Variants in IL1RAP observed in about 807,000 individuals in gnomAD.
IL1RAP encodes interleukin 1 receptor accessory protein.
A neutral mutation model predicts 60.7 loss-of-function variants in IL1RAP; 35 were observed. The ratio of observed to expected loss-of-function variants is 0.58; its 90% CI spans 0.44 to 0.76. IL1RAP has a LOEUF of 0.76. Among genes scored for constraint, IL1RAP ranks in the 30% least tolerant of loss-of-function variants. The pLI is 0.00. For missense variants in IL1RAP, 572 were observed against 693.9 expected, an observed-to-expected ratio of 0.82 and a Z score of 1.97; for synonymous variants, 268 against 250.9, an observed-to-expected ratio of 1.07 and a Z score of -0.64.
intron 3 of IL1RAP, among the ~76,000 whole-genome samples, chr3:190,568,934 GA>G (rs1354642391): frequency 6.6e-6 from 1 of 152,224 alleles, no homozygotes; most frequent in Non-Finnish European, 1.5e-5. Context: ...TAAAGTTTGA[GA>G]GAAGGAAGAG....
rs757538570 is a variant in IL1RAP, at chr3:190,609,097, A to G, written c.453A>G (p.Ile151Met). 2 of 1,613,194 alleles carry G rather than the reference A, an allele frequency of 1.2e-6. No homozygotes were observed. The highest frequency in any genetic ancestry group is 4.5e-5 in the East Asian group (2 of 44,822). ...PMKLPVHKLY[I>M]EYGIQRITCP... ...AACTCCCAGTGCATAAACTGTATAT[A>G]GAATATGGCATTCAGAGGATCACTT... Residue 151 changes from isoleucine to methionine, a missense_variant, in exon 5 of 12, where the codon ATA becomes ATG. Transcript: ENST00000447382.
chr3:190,577,685 C>T (rs1002929233), intron 3 of IL1RAP, among the ~76,000 whole-genome samples: 1 of 152,070 alleles, frequency 6.6e-6, no homozygotes, highest in Non-Finnish European at 1.5e-5. Context: ...GGCATGCCAC[C>T]AGGCTCAGCT....
rs1734372068 is a variant in IL1RAP, at chr3:190,651,156, A to G, written c.*2451A>G. On this transcript the variant is annotated 3_prime_UTR_variant, in exon 12 of 12. Coordinates refer to ENST00000447382, the MANE Select transcript of IL1RAP (RefSeq NM_002182.4). ...ATAATTTAGAGAACAAGAACAAACC[A>G]TGTCTCAAATTTTTTTAAAAAAAAT... 10 of 982,442 alleles carry G rather than the reference A, an allele frequency of 1.0e-5. No individual in the cohort carries two copies. Among genetic ancestry groups the G allele is most frequent in the Admixed American group, 6.2e-5 (1 of 16,240 alleles). The allele number at this position is 982,442 out of a possible 1,614,324, so 60.9% of individuals were successfully genotyped here. A position where few individuals can be genotyped will look rare whatever the true frequency, so the allele number is the denominator to read the frequency against.
At chr3:190,538,250 G>T (rs1183305508) in intron 1 of IL1RAP, among the ~76,000 whole-genome samples, 1 of 152,140 alleles carries the variant, frequency 6.6e-6, no homozygotes, top group Non-Finnish European at 1.5e-5. Flanking sequence ...GCAGCCTCTG[G>T]GGGTTGACTA....
intron 5 of IL1RAP, among the ~76,000 whole-genome samples, chr3:190,609,842 ATCAGTG>A (rs1235900146): frequency 6.6e-6 from 1 of 152,156 alleles, no homozygotes; most frequent in Non-Finnish European, 1.5e-5. Context: ...CCCATATGGG[ATCAGTG>A]TTTGTGGGGA....
chr3:190,540,300 C>T (rs1299508643), intron 1 of IL1RAP, among the ~76,000 whole-genome samples: 1 of 152,014 alleles, frequency 6.6e-6, no homozygotes, highest in East Asian at 1.9e-4. Context: ...ATTACCTTTC[C>T]CTCCCTTTGT....
chr3:190,631,427 G>A (rs1261228913), intron 9 of IL1RAP, among the ~76,000 whole-genome samples: 2 of 152,168 alleles, frequency 1.3e-5, no homozygotes, highest in Admixed American at 1.3e-4. Flanking sequence ...AGTGACAGGT[G>A]GATCCTCTAG....
At position 190,650,212 on chromosome 3, in the gene IL1RAP, ATTAT is replaced by A. The variant is rs1734314156; in HGVS notation, c.*1510_*1513del. On this transcript the variant is annotated 3_prime_UTR_variant, in exon 12 of 12. Transcript: ENST00000447382. ...TTTTGTGTCAGTGTTTTCTGTACAT[ATTAT>A]TTGTTAATTCACAGCTCACAGAGTG... 1.0e-6 allele frequency: 1 copy of A among 984,400 alleles called. No individual in the cohort carries two copies. Among genetic ancestry groups the A allele is most frequent in the Admixed American group, 6.1e-5 (1 of 16,266 alleles). 61.0% of individuals were successfully genotyped at this position (984,400 alleles called of 1,614,324 possible).
chr3:190,582,365 G>T (rs1183617296), intron 3 of IL1RAP, among the ~76,000 whole-genome samples: 1 of 150,118 alleles, frequency 6.7e-6, no homozygotes, highest in Non-Finnish European at 1.5e-5. Flanking sequence ...TTTTGCCCAG[G>T]CTGGAGTTCA....
At chr3:190,653,456 G>A (rs1734491970), downstream of IL1RAP, among the ~76,000 whole-genome samples, 2 of 151,992 alleles carry the variant, frequency 1.3e-5, no homozygotes, top group South Asian at 2.1e-4. Flanking sequence ...AACCACATTC[G>A]TCTTCCAAGT....
rs1399185076 is a variant in IL1RAP at position 190,627,439 on chromosome 3, A to G, written c.892A>G (p.Ile298Val). 14 of 1,611,290 alleles carry G rather than the reference A, an allele frequency of 8.7e-6. No individual in the cohort carries two copies. The highest frequency in any genetic ancestry group is 1.3e-5 in the African/African-American group (1 of 74,708). The change falls in exon 8 of 12, where the codon ATT becomes GTT. Residue 298 changes from isoleucine to valine, a missense_variant. By Grantham distance (29) the Ile-to-Val change is conservative. Transcript: ENST00000447382. ...TGATGACATCACTATTGATGTCACC[A>G]TTAACGAAAGGTATCATGGGGGCCA... ...KPDDITIDVT[I>V]NESISHSRTE... is the part of the protein sequence containing the mutation.
At chr3:190,621,472 C>A (rs1731774597) in intron 6 of IL1RAP, among the ~76,000 whole-genome samples, 1 of 152,104 alleles carries the variant, frequency 6.6e-6, no homozygotes, top group South Asian at 2.1e-4. Flanking sequence ...AATAATGTAA[C>A]CTTATATTCA....
At chr3:190,562,694 CCACACACACACA>C (rs56393536) in intron 2 of IL1RAP, among the ~76,000 whole-genome samples, 51,919 of 146,464 alleles carry the variant, frequency 0.35, 10,420 homozygotes, top group South Asian at 0.52. Context: ...CATATCTCGT[CCACACACACACA>C]CACACACACA....
Position 190,531,637 on chromosome 3 carries a change from G to C in IL1RAP, c.-89+17418G>C, listed in dbSNP as rs77937740. 4.0e-3 allele frequency among the ~76,000 whole-genome samples: 607 copies of C among 152,256 alleles called. 1 individual carries two copies. The highest frequency in any genetic ancestry group is 0.014 in the African/African-American group (586 of 41,534). ...AAGACACAGCTGAACTTACTCACTT[G>C]TCTTGACTTATGTAAAACACACACT... On this transcript the variant is annotated intron_variant, in intron 1 of 11. Transcript: ENST00000447382.
intron 5 of IL1RAP, among the ~76,000 whole-genome samples, chr3:190,614,928 C>T (rs1389494039): frequency 6.6e-6 from 1 of 151,964 alleles, no homozygotes; most frequent in Non-Finnish European, 1.5e-5. Flanking sequence ...GGATAGAGGG[C>T]CCTGAGAAAT....
intron 3 of IL1RAP, among the ~76,000 whole-genome samples, chr3:190,568,783 A>G (rs945345117): frequency 6.6e-5 from 10 of 152,188 alleles, no homozygotes; most frequent in African/African-American, 2.4e-4. Flanking sequence ...CACAGGGTAT[A>G]CTCCTATTAG....
intron 1 of IL1RAP, among the ~76,000 whole-genome samples, chr3:190,535,429 C>T (rs533882395): frequency 6.6e-6 from 1 of 152,284 alleles, no homozygotes; most frequent in Admixed American, 6.5e-5. Flanking sequence ...TCCCTATTAT[C>T]CACGTGTTAA....
intron 6 of IL1RAP, among the ~76,000 whole-genome samples, chr3:190,622,290 AT>A (rs112436193): frequency 0.01 from 1,595 of 152,150 alleles, 36 homozygotes; most frequent in African/African-American, 0.037. Context: ...AGCAAAAACT[AT>A]TTTTTTCTAT....
intron 3 of IL1RAP, among the ~76,000 whole-genome samples, chr3:190,584,769 T>C (rs1728303301): frequency 6.6e-6 from 1 of 152,230 alleles, no homozygotes; most frequent in Non-Finnish European, 1.5e-5. Context: ...AATAGCTGAT[T>C]TGTGGCTTGT....
Sources: gnomAD v4.1 joint callset for allele counts (sites outside exome capture counted in the v4.1 genomes callset) on GRCh38, gnomAD v4.1.1 for gene constraint, MANE v1.5 for transcripts, NCBI Gene and HGNC (gene_info 2026-07-23, HGNC 2026-07-21) for gene names.